Variants in HHLA2 observed in about 807,000 individuals in gnomAD.
HHLA2 encodes HHLA2 member of B7 family.
A neutral mutation model predicts 45.9 loss-of-function variants in HHLA2; 48 were observed. The observed-to-expected ratio is 1.05, with a 90% confidence interval of 0.83 to 1.33. HHLA2 has a LOEUF of 1.33. Ranked by LOEUF, HHLA2 falls within the 40% of genes most tolerant of loss-of-function variation. The pLI is 0.00. For synonymous variants in HHLA2, 161 were observed against 173.9 expected (o/e 0.93, Z 0.59); for missense variants, 462 against 494.3 (o/e 0.93, Z 0.62).
chr3:108,315,332 A>C (rs191378726), intron 2 of HHLA2, among the ~76,000 whole-genome samples: 11 of 152,234 alleles, frequency 7.2e-5, no homozygotes, highest in Non-Finnish European at 1.5e-4. Context: ...CCTGTTCCAT[A>C]GAATGGGAAT....
chr3:108,343,355 C>T (rs2081608379), intron 3 of HHLA2, among the ~76,000 whole-genome samples: 1 of 152,190 alleles, frequency 6.6e-6, no homozygotes, highest in African/African-American at 2.4e-5. Flanking sequence ...AACCACTGTA[C>T]TTAGGAAATG....
intron 1 of HHLA2, among the ~76,000 whole-genome samples, chr3:108,305,875 T>G (rs983886641): frequency 6.6e-6 from 1 of 152,206 alleles, no homozygotes; most frequent in African/African-American, 2.4e-5. Flanking sequence ...TTGGTCACTG[T>G]GGCAGCCATG....
At chr3:108,353,293 A>G (rs1422311851) in intron 4 of HHLA2, 134 bp from the exon 4 acceptor site, 3 of 586,002 alleles carry the variant, frequency 5.1e-6, no homozygotes, top group Non-Finnish European at 8.9e-6. Flanking sequence ...ATAATCAGAC[A>G]AGTGTTTTTG....
At chr3:108,307,678 A>C (rs1236645126) in intron 1 of HHLA2, among the ~76,000 whole-genome samples, 2 of 151,914 alleles carry the variant, frequency 1.3e-5, no homozygotes, top group East Asian at 3.9e-4. Context: ...CCCAGCTTCC[A>C]CTTTGTTAAC....
At chr3:108,362,357 C>G (rs1387223121) in exon 8 of HHLA2, 2 of 1,610,550 alleles carry the variant, frequency 1.2e-6, no homozygotes, top group Non-Finnish European at 1.7e-6. Flanking sequence ...AGCCAAGAAA[C>G]AGCTTCCCAT....
intron 2 of HHLA2, among the ~76,000 whole-genome samples, chr3:108,315,752 T>C (rs899299485): frequency 6.6e-6 from 1 of 152,136 alleles, no homozygotes; most frequent in Admixed American, 6.5e-5. Flanking sequence ...AGTTTTCTTA[T>C]GGTTGTTTGT....
chr3:108,349,885 T>C (rs1252085125), intron 3 of HHLA2, among the ~76,000 whole-genome samples: 1 of 152,132 alleles, frequency 6.6e-6, no homozygotes, highest in Non-Finnish European at 1.5e-5. Context: ...TAGCAAATAT[T>C]GGAGTCATTC....
chr3:108,367,862 C>T (rs1036593184), intron 8 of HHLA2, among the ~76,000 whole-genome samples: 1 of 152,048 alleles, frequency 6.6e-6, no homozygotes, highest in African/African-American at 2.4e-5. Flanking sequence ...GAGAACACCA[C>T]TAAAATACTC....
intron 2 of HHLA2, among the ~76,000 whole-genome samples, chr3:108,317,874 G>T (rs944000957): frequency 6.6e-6 from 1 of 152,000 alleles, no homozygotes; most frequent in Non-Finnish European, 1.5e-5. Flanking sequence ...CACCCAGCCT[G>T]GGAGATTACT....
chr3:108,372,454 G>C (rs2082195091), intron 8 of HHLA2, among the ~76,000 whole-genome samples: 2 of 151,906 alleles, frequency 1.3e-5, no homozygotes, highest in South Asian at 4.2e-4. Context: ...AAAGCTAGCA[G>C]AAGGCAAGAA....
exon 8 of HHLA2, chr3:108,362,441 G>C (rs752299229): frequency 3.1e-6 from 5 of 1,603,402 alleles, no homozygotes; most frequent in Non-Finnish European, 4.3e-6. Context: ...GTAAAATGTT[G>C]CAGAGGTAAT....
intron 6 of HHLA2, among the ~76,000 whole-genome samples, chr3:108,357,340 G>C (rs2081911538): frequency 6.6e-6 from 1 of 152,166 alleles, no homozygotes; most frequent in South Asian, 2.1e-4. Flanking sequence ...AGTCCAGTGG[G>C]GGTTGCCTGC....
intron 7 of HHLA2, among the ~76,000 whole-genome samples, chr3:108,358,456 C>A (rs188120343): frequency 6.6e-6 from 1 of 152,174 alleles, no homozygotes; most frequent in African/African-American, 2.4e-5. Context: ...TCCATTTCTG[C>A]TCACTGCTGT....
At chr3:108,316,384 C>A (rs987336760) in intron 2 of HHLA2, among the ~76,000 whole-genome samples, 2 of 152,182 alleles carry the variant, frequency 1.3e-5, no homozygotes, top group Non-Finnish European at 2.9e-5. Flanking sequence ...AATATTAAAT[C>A]TATCGATATA....
chr3:108,303,673 T>C (rs1034613464), intron 1 of HHLA2, among the ~76,000 whole-genome samples: 4 of 152,232 alleles, frequency 2.6e-5, no homozygotes, highest in African/African-American at 9.6e-5. Flanking sequence ...GGGCTTTATT[T>C]TTTGGTCACT....
intron 3 of HHLA2, among the ~76,000 whole-genome samples, chr3:108,346,071 T>A (rs903029841): frequency 2.0e-5 from 3 of 151,944 alleles, no homozygotes; most frequent in Non-Finnish European, 4.4e-5. Context: ...ACTTCCCCTT[T>A]TCCCTCACTC....
intron 2 of HHLA2, chr3:108,325,798 T>TC (rs1225191872): frequency 6.4e-6 from 2 of 312,980 alleles, no homozygotes; most frequent in African/African-American, 2.2e-5. Context: ...TGAAGTTTCC[T>TC]CTACTACCAA....
intron 1 of HHLA2, among the ~76,000 whole-genome samples, chr3:108,302,254 T>C (rs1173868427): frequency 1.3e-5 from 2 of 152,176 alleles, no homozygotes; most frequent in Non-Finnish European, 2.9e-5. Flanking sequence ...GGAGGGTTAG[T>C]CTTTCGATAA....
chr3:108,358,024 C>T (rs1387951295), exon 7 of HHLA2: 1 of 1,613,784 alleles, frequency 6.2e-7, no homozygotes, highest in Admixed American at 1.7e-5. Context: ...TCCCGATTCT[C>T]ATGGAACAAA....
Sources: allele counts gnomAD v4.1 joint callset (sites outside exome capture counted in the v4.1 genomes callset), GRCh38; gene constraint gnomAD v4.1.1; transcripts MANE v1.5; gene names NCBI Gene and HGNC (gene_info 2026-07-23, HGNC 2026-07-21).